Variants in CATSPERE observed in about 807,000 individuals in gnomAD.
CATSPERE encodes the protein cation channel sperm-associated auxiliary subunit epsilon.
A neutral mutation model predicts 114.1 loss-of-function variants in CATSPERE; 93 were observed. The ratio of observed to expected loss-of-function variants is 0.81; its 90% CI spans 0.69 to 0.97. The LOEUF is 0.97. CATSPERE is among the 50% of genes least tolerant of loss of function. CATSPERE has a pLI of 0.00. For synonymous variants in CATSPERE, 341 were observed against 384.1 expected, an observed-to-expected ratio of 0.89 and a Z score of 1.31; for missense variants, 1,058 against 1,131.6, an observed-to-expected ratio of 0.93 and a Z score of 0.93.
intron 5 of CATSPERE, among the ~76,000 whole-genome samples, chr1:244,487,400 G>C (rs143428072): frequency 6.6e-6 from 1 of 152,100 alleles, no homozygotes; most frequent in Admixed American, 6.5e-5. Flanking sequence ...TAGTCAAGCC[G>C]TGTAGCTTCC....
chr1:244,505,350 G>T (rs553507835), intron 7 of CATSPERE, among the ~76,000 whole-genome samples: 1 of 152,072 alleles, frequency 6.6e-6, no homozygotes, highest in East Asian at 1.9e-4. Flanking sequence ...TCAAGATCGG[G>T]GTACTAGGTG....
intron 8 of CATSPERE, among the ~76,000 whole-genome samples, chr1:244,540,367 G>GACAA (rs778132767): frequency 6.2e-4 from 19 of 30,572 alleles, no homozygotes; most frequent in African/African-American, 1.2e-3. Flanking sequence ...ACCAATAACA[G>GACAA]ACAGAGAGCC....
At chr1:244,469,950 G>A (rs1668207893) in intron 2 of CATSPERE, among the ~76,000 whole-genome samples, 1 of 151,988 alleles carries the variant, frequency 6.6e-6, no homozygotes, top group Non-Finnish European at 1.5e-5. Context: ...GATACCAAGA[G>A]AATTGAATGG....
At chr1:244,495,865 G>C (rs1462201927) in intron 6 of CATSPERE, among the ~76,000 whole-genome samples, 1 of 152,152 alleles carries the variant, frequency 6.6e-6, no homozygotes, top group Non-Finnish European at 1.5e-5. Flanking sequence ...GGATTACCCA[G>C]ATTTCAGATG....
intron 8 of CATSPERE, among the ~76,000 whole-genome samples, chr1:244,539,707 T>G (rs1054448561): frequency 7.8e-6 from 1 of 128,852 alleles, no homozygotes; most frequent in African/African-American, 2.9e-5. Context: ...CTTGGGAGAG[T>G]GTATGTGTCG....
At chr1:244,543,650 ATT>A (rs1659244790) in intron 8 of CATSPERE, among the ~76,000 whole-genome samples, 1 of 145,238 alleles carries the variant, frequency 6.9e-6, no homozygotes, top group Admixed American at 6.9e-5. Context: ...ATATATATAT[ATT>A]TATATATATA....
chr1:244,515,841 A>G (rs937785366), intron 7 of CATSPERE, among the ~76,000 whole-genome samples: 1 of 150,244 alleles, frequency 6.7e-6, no homozygotes, highest in Non-Finnish European at 1.5e-5. Context: ...ATTTTAAAAT[A>G]CTATTTAGTA....
chr1:244,625,430 A>ATTTTTTTTTTTTTTTT (rs1476267922), intron 20 of CATSPERE, among the ~76,000 whole-genome samples: 59 of 4,332 alleles, frequency 0.014, 3 homozygotes, highest in East Asian at 0.035. Flanking sequence ...ATATATATAT[A>ATTTTTTTTTTTTTTTT]TATTTTTTTT....
chr1:244,572,990 T>G (rs530313408), intron 11 of CATSPERE, among the ~76,000 whole-genome samples: 42 of 152,250 alleles, frequency 2.8e-4, no homozygotes, highest in Middle Eastern at 3.4e-3. Context: ...AACACATTCC[T>G]TCAAAACTCA....
intron 6 of CATSPERE, among the ~76,000 whole-genome samples, chr1:244,494,000 GA>G (rs560662282): frequency 5.3e-4 from 80 of 152,300 alleles, no homozygotes; most frequent in African/African-American, 1.7e-3. Context: ...TTACACTGTT[GA>G]TGGGACTGTA....
chr1:244,563,171 A>G (rs1403436035), intron 10 of CATSPERE, among the ~76,000 whole-genome samples: 2 of 152,180 alleles, frequency 1.3e-5, no homozygotes, highest in Non-Finnish European at 2.9e-5. Flanking sequence ...CCTATCATTA[A>G]TGGGCATTTG....
intron 8 of CATSPERE, among the ~76,000 whole-genome samples, chr1:244,547,028 T>C (rs184251380): frequency 4.6e-5 from 7 of 152,274 alleles, no homozygotes; most frequent in Non-Finnish European, 7.4e-5. Flanking sequence ...CCAAGACTTA[T>C]TGTAATCAAA....
intron 8 of CATSPERE, among the ~76,000 whole-genome samples, chr1:244,528,474 G>A (rs1679024462): frequency 6.6e-6 from 1 of 152,008 alleles, no homozygotes; most frequent in African/African-American, 2.4e-5. Context: ...TTTAGTACTG[G>A]GTAAACTAGT....
rs71654526 is a variant in CATSPERE at position 244,598,228 on chromosome 1, C to T, written c.2303+4650C>T. On this transcript the variant is annotated intron_variant, in intron 17 of 21. Coordinates refer to ENST00000366534, the MANE Select transcript of CATSPERE (RefSeq NM_001130957.2). ...AAACAGGGATAGCATTTACTGAGTCCGAATTGCTGTCAAAATTCAAAAAAA... is the reference window on the plus strand; with the variant it reads ...AAACAGGGATAGCATTTACTGAGTCTGAATTGCTGTCAAAATTCAAAAAAA... Among the ~76,000 whole-genome samples the T allele has an allele frequency of 5.9e-3, 899 of 152,148 alleles. 5 individuals carry two copies. The highest frequency in any genetic ancestry group is 0.014 in the Middle Eastern group (4 of 294).
intron 13 of CATSPERE, among the ~76,000 whole-genome samples, chr1:244,585,278 A>G (rs566456292): frequency 6.6e-6 from 1 of 152,308 alleles, no homozygotes; most frequent in African/African-American, 2.4e-5. Context: ...TTATTCATGT[A>G]AAGTACCCAA....
chr1:244,456,240 A>G (rs550566134), intron 1 of CATSPERE, among the ~76,000 whole-genome samples: 1 of 152,242 alleles, frequency 6.6e-6, no homozygotes, highest in South Asian at 2.1e-4. Context: ...TCCAGGATCC[A>G]GTGTAAAGCG....
chr1:244,572,891 G>A, intron 11 of CATSPERE, 119 bp downstream of exon 11: 2 of 704,014 alleles, frequency 2.8e-6, no homozygotes, highest in Non-Finnish European at 4.3e-6. Context: ...AGGAATGTCT[G>A]AGTTTTTAAT....
At chr1:244,480,573 T>C (rs1009755913) in intron 5 of CATSPERE, among the ~76,000 whole-genome samples, 3 of 70,286 alleles carry the variant, frequency 4.3e-5, no homozygotes, top group East Asian at 1.2e-3. Context: ...TAGTTGAGGA[T>C]TGGCACATAC....
chr1:244,542,315 G>C (rs981428332), intron 8 of CATSPERE, among the ~76,000 whole-genome samples: 3 of 152,126 alleles, frequency 2.0e-5, no homozygotes, highest in Admixed American at 6.6e-5. Context: ...ACCACGCCTT[G>C]ATGCTGTGCT....
Sources: gnomAD v4.1 joint callset for allele counts (sites outside exome capture counted in the v4.1 genomes callset) on GRCh38, gnomAD v4.1.1 for gene constraint, MANE v1.5 for transcripts, NCBI Gene and HGNC (gene_info 2026-07-23, HGNC 2026-07-21) for gene names.